MAOB: variants seen among roughly 807,000 people sequenced by gnomAD.
MAOB encodes the protein amine oxidase [flavin-containing] B.
Under a neutral mutation model 41.9 loss-of-function variants are expected in MAOB, and 15 were observed. The ratio of observed to expected loss-of-function variants is 0.36; its 90% CI spans 0.24 to 0.55. The LOEUF (loss-of-function observed/expected upper bound fraction) is 0.55. Among genes scored for constraint, MAOB ranks in the 20% least tolerant of loss-of-function variants. The pLI, the probability that MAOB is intolerant of heterozygous loss-of-function variation, is 0.86. For missense variants in MAOB, 345 were observed against 398.7 expected (o/e 0.87, Z 1.15); for synonymous variants, 167 against 144.2 (o/e 1.16, Z -1.13).
At chrX:43,774,798 A>T (rs1349525133) in intron 12 of MAOB, among the ~76,000 whole-genome samples, 1 of 111,402 alleles carries the variant, frequency 9.0e-6, no homozygotes, top group African/African-American at 3.3e-5. Context: ...CTCTTTTTTG[A>T]TTTTTAATTT....
chrX:43,782,605 A>T (rs1263632068), intron 8 of MAOB, among the ~76,000 whole-genome samples: 4 of 111,972 alleles, frequency 3.6e-5, no homozygotes. Flanking sequence ...TATTCCAAGC[A>T]ATAGAAAAAG....
chrX:43,821,958 G>T (rs1223426956), intron 3 of MAOB, among the ~76,000 whole-genome samples: 2 of 112,001 alleles, frequency 1.8e-5, no homozygotes, highest in Non-Finnish European at 3.8e-5. Flanking sequence ...CATGCCCAAG[G>T]TCCATGGTAA....
At chrX:43,771,475 C>T (rs2034182714) in intron 12 of MAOB, among the ~76,000 whole-genome samples, 1 of 111,121 alleles carries the variant, frequency 9.0e-6, no homozygotes, top group African/African-American at 3.3e-5. Context: ...GATATAACCC[C>T]ATCATATTTT....
At chrX:43,868,317 T>C (rs2035378500) in intron 1 of MAOB, among the ~76,000 whole-genome samples, 1 of 112,328 alleles carries the variant, frequency 8.9e-6, no homozygotes, top group African/African-American at 3.2e-5. Flanking sequence ...AAAATGCTTT[T>C]ACCTTTCCTA....
At chrX:43,862,004 C>T (rs185681469) in intron 1 of MAOB, among the ~76,000 whole-genome samples, 16 of 110,617 alleles carry the variant, frequency 1.4e-4, no homozygotes, top group African/African-American at 4.3e-4. Flanking sequence ...ACAGGAACGG[C>T]CAATTCCGTC....
chrX:43,823,875 T>A lies in MAOB; in HGVS notation c.279+14993A>T, dbSNP rs5952777. Among the ~76,000 whole-genome samples, 632 of 112,043 alleles carry A rather than the reference T, an allele frequency of 5.6e-3. 3 individuals carry two copies. The highest frequency in any genetic ancestry group is 0.019 in the African/African-American group (597 of 30,786). On this transcript the variant is annotated intron_variant, in intron 3 of 14. Coordinates refer to ENST00000378069, the MANE Select transcript of MAOB (RefSeq NM_000898.5). ...ACTTTTAATTCAGAAGGTCCCTACT[T>A]CCCATACCATTCTTATGTATAGCTT...
At position 43,778,484 on chromosome X, in the gene MAOB, G is replaced by C. The variant is rs770226042; in HGVS notation, c.1137+198C>G. Among the ~76,000 whole-genome samples, 5 of 111,632 alleles carry C rather than the reference G, an allele frequency of 4.5e-5. No individual in the cohort carries two copies. The East Asian group carries it at 1.4e-3, about 32-fold the overall frequency. On this transcript the variant is annotated intron_variant, in intron 11 of 14. Transcript: ENST00000378069. Reference sequence around the variant, plus strand: ...AACCACAGCATATTGCAAGTTCCCTGACCTGCCACCAGCACAGCCAGGGCC... The same window carrying C: ...AACCACAGCATATTGCAAGTTCCCTCACCTGCCACCAGCACAGCCAGGGCC...
intron 1 of MAOB, among the ~76,000 whole-genome samples, chrX:43,845,843 G>T (rs1052301120): frequency 1.8e-5 from 2 of 112,098 alleles, no homozygotes; most frequent in African/African-American, 6.5e-5. Flanking sequence ...TGATCTTAAA[G>T]GAGGAATTCC....
intron 3 of MAOB, among the ~76,000 whole-genome samples, chrX:43,820,385 A>G (rs17146716): frequency 0.078 from 8,727 of 112,002 alleles, 675 homozygotes; most frequent in African/African-American, 0.23. Flanking sequence ...TTATTAAAGA[A>G]TTGTAAAATT....
intron 1 of MAOB, among the ~76,000 whole-genome samples, chrX:43,865,218 TA>T (rs1199141550): frequency 8.9e-6 from 1 of 112,082 alleles, no homozygotes; most frequent in African/African-American, 3.2e-5. Flanking sequence ...TATTTGGCCT[TA>T]AAAAGGAATG....
At chrX:43,842,807 A>T (rs957706338) in intron 2 of MAOB, among the ~76,000 whole-genome samples, 3 of 111,799 alleles carry the variant, frequency 2.7e-5, no homozygotes, top group Non-Finnish European at 5.6e-5. Context: ...TGCTAAGTGA[A>T]ATAAGCCAGG....
In MAOB at chrX:43,767,288, C is replaced by T. The variant is rs1601958170; in HGVS notation, c.*178G>A. 2.3e-6 allele frequency: 1 copy of T among 435,465 alleles called. No homozygotes were observed. The highest frequency in any genetic ancestry group is 4.0e-5 in the East Asian group (1 of 25,305). 35.9% of individuals were successfully genotyped at this position (435,465 alleles called of 1,213,427 possible). ...GCTAAGCCAGGTAAGGGACACTAAGCAGGGGCCACAACGGAGAAAGAGATA... is the reference window on the plus strand; with the variant it reads ...GCTAAGCCAGGTAAGGGACACTAAGTAGGGGCCACAACGGAGAAAGAGATA... On this transcript the variant is annotated 3_prime_UTR_variant, in exon 15 of 15. Transcript: ENST00000378069.
At chrX:43,802,997 T>C (rs1310956335) in intron 4 of MAOB, among the ~76,000 whole-genome samples, 1 of 111,614 alleles carries the variant, frequency 9.0e-6, no homozygotes, top group Non-Finnish European at 1.9e-5. Flanking sequence ...GGCATGGTGG[T>C]GAATCAAAGA....
rs200564924 is a variant in MAOB at position 43,780,435 on chromosome X, T to G, written c.1026-40A>C. 537 of 1,049,185 alleles carry G rather than the reference T, an allele frequency of 5.1e-4. No homozygotes were observed. In the African/African-American group the frequency reaches 8.4e-3, roughly 16 times the overall value. The allele number at this position is 1,049,185 out of a possible 1,213,427, so 86.5% of individuals were successfully genotyped here. ...CAAGAAAAAGGGGAGAAATTAATGGTTGGTTTCATCCTAGCCTCATTTTCG... is the reference window on the plus strand; with the variant it reads ...CAAGAAAAAGGGGAGAAATTAATGGGTGGTTTCATCCTAGCCTCATTTTCG... On this transcript the variant is annotated intron_variant, in intron 9 of 14. Coordinates refer to ENST00000378069, the MANE Select transcript of MAOB (RefSeq NM_000898.5).
At chrX:43,792,009 G>A (rs1439316071) in intron 8 of MAOB, among the ~76,000 whole-genome samples, 1 of 112,239 alleles carries the variant, frequency 8.9e-6, no homozygotes, top group African/African-American at 3.2e-5. Context: ...ATCGACACTA[G>A]TGAGAGAGAG....
intron 1 of MAOB, among the ~76,000 whole-genome samples, chrX:43,868,769 C>T (rs780842844): frequency 4.5e-4 from 50 of 110,485 alleles, no homozygotes; most frequent in African/African-American, 1.5e-3. Flanking sequence ...TTCACGGCAC[C>T]GAGAGGCTTC....
chrX:43,767,165 G>A lies in MAOB; in HGVS notation c.*301C>T. The A allele has an allele frequency of 3.8e-6, 1 of 263,860 alleles. No individual in the cohort carries two copies. The highest frequency in any genetic ancestry group is 6.7e-6 in the Non-Finnish European group (1 of 148,887). 21.7% of individuals were successfully genotyped at this position (263,860 alleles called of 1,213,427 possible). On this transcript the variant is annotated 3_prime_UTR_variant, in exon 15 of 15. Coordinates refer to ENST00000378069, the MANE Select transcript of MAOB (RefSeq NM_000898.5). The stretch of plus-strand genomic sequence containing the variant: ...GAAAAAATTCATTCCTTGTGCATGG[G>A]CAAGGTGTGTTGTGGGGCAGCAAGA...
chrX:43,845,036 T>C (rs1300179386), intron 1 of MAOB, among the ~76,000 whole-genome samples: 1 of 112,510 alleles, frequency 8.9e-6, no homozygotes, highest in Admixed American at 9.4e-5. Context: ...GTTCAATACA[T>C]TTTGACAAAG....
At chrX:43,793,718 C>A (rs1401836577) in intron 7 of MAOB, 140 bp from the exon 8 acceptor site, 6 of 466,420 alleles carry the variant, frequency 1.3e-5, no homozygotes, top group Non-Finnish European at 1.7e-5. Flanking sequence ...CTAAAGTAGC[C>A]CTTATTGTTC....
Sources: allele counts gnomAD v4.1 joint callset (sites outside exome capture counted in the v4.1 genomes callset), GRCh38; gene constraint gnomAD v4.1.1; transcripts MANE v1.5; gene names NCBI Gene and HGNC (gene_info 2026-07-23, HGNC 2026-07-21).